Variants in DPP10 observed in about 807,000 individuals in gnomAD.
DPP10 encodes the protein dipeptidyl peptidase like 10, also known as inactive dipeptidyl peptidase 10.
A neutral mutation model predicts 120.9 loss-of-function variants in DPP10; 33 were observed. That is an observed-to-expected ratio of 0.27 (90% confidence interval 0.21 to 0.37). The LOEUF (loss-of-function observed/expected upper bound fraction) is 0.37, where lower values mean the gene tolerates loss of function less well. Ranked by LOEUF, DPP10 falls within the 10% of genes least tolerant of loss-of-function variation. The pLI is 1.00. For missense variants in DPP10, 816 were observed against 942.8 expected (o/e 0.87, Z 1.76); for synonymous variants, 337 against 326.1 (o/e 1.03, Z -0.36).
intron 5 of DPP10, among the ~76,000 whole-genome samples, chr2:115,546,449 G>A (rs1464835432): frequency 1.3e-5 from 2 of 152,096 alleles, no homozygotes; most frequent in African/African-American, 2.4e-5. Context: ...CAATGGGATA[G>A]AAAATGTATT....
chr2:114,834,516 TAA>T (rs1371983619), intron 1 of DPP10, among the ~76,000 whole-genome samples: 5 of 150,612 alleles, frequency 3.3e-5, no homozygotes, highest in Admixed American at 1.3e-4. Flanking sequence ...TATGTATATA[TAA>T]GACATATCTA....
chr2:114,494,345 C>G (rs1156959966), intron 1 of DPP10, among the ~76,000 whole-genome samples: 7 of 152,106 alleles, frequency 4.6e-5, no homozygotes, highest in Non-Finnish European at 7.4e-5. Flanking sequence ...AGAGCAGAGC[C>G]TTTTACATAG....
chr2:115,577,548 A>G (rs1322721076), intron 5 of DPP10, among the ~76,000 whole-genome samples: 1 of 152,182 alleles, frequency 6.6e-6, no homozygotes, highest in Non-Finnish European at 1.5e-5. Flanking sequence ...TGTAGTTATT[A>G]TTGCATTAAT....
intron 1 of DPP10, among the ~76,000 whole-genome samples, chr2:114,875,078 G>A (rs372618692): frequency 2.0e-5 from 3 of 152,186 alleles, no homozygotes; most frequent in African/African-American, 7.2e-5. Flanking sequence ...ATGCTAAAAG[G>A]GTAGCTTTGT....
chr2:115,237,489 C>G (rs1481032666), intron 1 of DPP10, among the ~76,000 whole-genome samples: 1 of 152,050 alleles, frequency 6.6e-6, no homozygotes. Flanking sequence ...ATAGTCACCT[C>G]TAAGTACTCA....
At chr2:114,676,043 G>A (rs921619163) in intron 1 of DPP10, among the ~76,000 whole-genome samples, 6 of 152,128 alleles carry the variant, frequency 3.9e-5, no homozygotes, top group Admixed American at 6.6e-5. Context: ...CAGGTGATCC[G>A]CCCACCTCAG....
chr2:114,838,218 A>G (rs1687889151), intron 1 of DPP10, among the ~76,000 whole-genome samples: 1 of 152,244 alleles, frequency 6.6e-6, no homozygotes, highest in Non-Finnish European at 1.5e-5. Flanking sequence ...CTGGAGAAGC[A>G]CATGGATGGA....
intron 1 of DPP10, among the ~76,000 whole-genome samples, chr2:114,521,101 G>GA (rs1685008603): frequency 6.6e-6 from 1 of 151,766 alleles, no homozygotes; most frequent in African/African-American, 2.4e-5. Context: ...TCTGACATCA[G>GA]AAAAAAATGA....
chr2:114,718,313 A>C, intron 1 of DPP10, among the ~76,000 whole-genome samples: 1 of 149,370 alleles, frequency 6.7e-6, no homozygotes, highest in African/African-American at 2.4e-5. Flanking sequence ...AGGCAGGAGA[A>C]TCGCTTGATC....
At chr2:115,017,870 G>T (rs917850710) in intron 1 of DPP10, among the ~76,000 whole-genome samples, 1 of 151,900 alleles carries the variant, frequency 6.6e-6, no homozygotes, top group Non-Finnish European at 1.5e-5. Flanking sequence ...GGGGGAGTGG[G>T]GAGGGATAGC....
intron 3 of DPP10, among the ~76,000 whole-genome samples, chr2:115,486,443 A>C (rs1288570350): frequency 6.6e-6 from 1 of 152,196 alleles, no homozygotes; most frequent in Non-Finnish European, 1.5e-5. Context: ...TTCTGCATGT[A>C]TCACTGCAGT....
intron 1 of DPP10, among the ~76,000 whole-genome samples, chr2:114,947,935 T>C (rs1294289605): frequency 6.6e-6 from 1 of 152,034 alleles, no homozygotes; most frequent in Non-Finnish European, 1.5e-5. Flanking sequence ...TATCTTTTTG[T>C]TTCTGTATAC....
chr2:114,484,501 G>C (rs887140099), intron 1 of DPP10, among the ~76,000 whole-genome samples: 1 of 152,142 alleles, frequency 6.6e-6, no homozygotes, highest in Non-Finnish European at 1.5e-5. Flanking sequence ...TCTGCCACGA[G>C]TTAGCCCACA....
intron 3 of DPP10, among the ~76,000 whole-genome samples, chr2:115,412,967 T>A (rs1009814545): frequency 3.9e-4 from 60 of 152,286 alleles, no homozygotes; most frequent in African/African-American, 1.3e-3. Context: ...ATATTTGTAA[T>A]TCCCCTTTAA....
chr2:115,455,060 A>G (rs2073412086), intron 3 of DPP10, among the ~76,000 whole-genome samples: 1 of 151,152 alleles, frequency 6.6e-6, no homozygotes, highest in Non-Finnish European at 1.5e-5. Context: ...TATGAAATAA[A>G]TATAAATATG....
At chr2:115,307,816 C>T (rs2061420846) in intron 1 of DPP10, among the ~76,000 whole-genome samples, 1 of 152,126 alleles carries the variant, frequency 6.6e-6, no homozygotes, top group African/African-American at 2.4e-5. Context: ...TATATCACTT[C>T]TCTAAAGCTG....
chr2:114,570,217 C>A (rs764377660), intron 1 of DPP10, among the ~76,000 whole-genome samples: 1 of 152,070 alleles, frequency 6.6e-6, no homozygotes, highest in Non-Finnish European at 1.5e-5. Context: ...AGGTTTGTCA[C>A]CAAAGACTTC....
At chr2:114,863,045 AGT>A (rs143892772) in intron 1 of DPP10, among the ~76,000 whole-genome samples, 1 of 151,524 alleles carries the variant, frequency 6.6e-6, no homozygotes, top group Admixed American at 6.6e-5. Flanking sequence ...CCAGGGAAAA[AGT>A]GTGTGTGTGT....
chr2:115,489,342 A>G (rs2075966776), intron 3 of DPP10, among the ~76,000 whole-genome samples: 3 of 151,864 alleles, frequency 2.0e-5, no homozygotes, highest in South Asian at 4.2e-4. Context: ...AAGGCCCCCA[A>G]CAGACCAAAC....
Sources: gnomAD v4.1 joint callset for allele counts (sites outside exome capture counted in the v4.1 genomes callset) on GRCh38, gnomAD v4.1.1 for gene constraint, MANE v1.5 for transcripts, NCBI Gene and HGNC (gene_info 2026-07-23, HGNC 2026-07-21) for gene names.